The following CLSTN2 variants were observed in gnomAD, a reference collection of about 807,000 sequenced individuals.
The protein encoded by CLSTN2 is calsyntenin-2.
Under a neutral mutation model 101.2 loss-of-function variants are expected in CLSTN2, and 48 were observed. That is an observed-to-expected ratio of 0.47 (90% CI 0.38 to 0.60). The LOEUF (loss-of-function observed/expected upper bound fraction) is 0.60. CLSTN2 is among the 20% of genes least tolerant of loss of function. CLSTN2 has a pLI of 0.00. For missense variants in CLSTN2, 1,160 were observed against 1,238.2 expected, an observed-to-expected ratio of 0.94 and a Z score of 0.95; for synonymous variants, 481 against 463.6, an observed-to-expected ratio of 1.04 and a Z score of -0.48.
At chr3:139,996,253 A>G (rs2006655911) in intron 1 of CLSTN2, among the ~76,000 whole-genome samples, 1 of 151,988 alleles carries the variant, frequency 6.6e-6, no homozygotes, top group African/African-American at 2.4e-5. Flanking sequence ...ATGCTTTAAT[A>G]TGTTACTTTG....
At chr3:140,191,312 C>T (rs2010563806) in intron 2 of CLSTN2, among the ~76,000 whole-genome samples, 1 of 151,754 alleles carries the variant, frequency 6.6e-6, no homozygotes, top group African/African-American at 2.4e-5. Flanking sequence ...TTTCTATGTG[C>T]TAATGTTTTA....
rs916374557 is a variant in CLSTN2, at chr3:140,574,889, T to C, written c.*8636T>C. On this transcript the variant is annotated 3_prime_UTR_variant, in exon 17 of 17. Coordinates refer to ENST00000458420, the MANE Select transcript of CLSTN2 (RefSeq NM_022131.3). ...AAAGGGATGAGGAGGTAGCATCTCCTCTTCAGAAGGATTCATAAGGGCCTC... is the reference window on the plus strand; with the variant it reads ...AAAGGGATGAGGAGGTAGCATCTCCCCTTCAGAAGGATTCATAAGGGCCTC... 1.3e-5 allele frequency: 2 copies of C among 152,196 alleles called. No homozygotes were observed. The highest frequency in any genetic ancestry group is 2.9e-5 in the Non-Finnish European group (2 of 68,056). 9.4% of individuals were successfully genotyped at this position (152,196 alleles called of 1,614,324 possible). A position where few individuals can be genotyped will look rare whatever the true frequency, so the allele number is the denominator to read the frequency against.
intron 8 of CLSTN2, among the ~76,000 whole-genome samples, chr3:140,487,383 C>G (rs1469520691): frequency 6.6e-6 from 1 of 152,230 alleles, no homozygotes; most frequent in African/African-American, 2.4e-5. Flanking sequence ...CTTCTGAGAA[C>G]AGCCCAATAG....
chr3:140,317,168 C>T (rs911701709), intron 2 of CLSTN2, among the ~76,000 whole-genome samples: 1 of 152,100 alleles, frequency 6.6e-6, no homozygotes, highest in African/African-American at 2.4e-5. Flanking sequence ...AACAAAAAAA[C>T]AATCTTCATG....
At chr3:140,475,510 A>G (rs1425641407) in intron 8 of CLSTN2, among the ~76,000 whole-genome samples, 24 of 152,218 alleles carry the variant, frequency 1.6e-4, no homozygotes, top group Admixed American at 6.5e-5. Context: ...TGAAGAGCCT[A>G]TTCTAAAGAA....
At chr3:140,333,934 G>GA (rs1006332204) in intron 2 of CLSTN2, among the ~76,000 whole-genome samples, 54 of 151,944 alleles carry the variant, frequency 3.6e-4, no homozygotes, top group Non-Finnish European at 6.3e-4. Flanking sequence ...GGAGAAACGT[G>GA]AAAAAAAATT....
chr3:140,414,349 T>C (rs2088401600), intron 4 of CLSTN2, among the ~76,000 whole-genome samples: 1 of 152,094 alleles, frequency 6.6e-6, no homozygotes, highest in African/African-American at 2.4e-5. Context: ...GAAATATCTG[T>C]ACACAGAAAA....
At chr3:140,479,012 A>C (rs1315843385) in intron 8 of CLSTN2, among the ~76,000 whole-genome samples, 1 of 152,176 alleles carries the variant, frequency 6.6e-6, no homozygotes, top group Non-Finnish European at 1.5e-5. Flanking sequence ...GATGCAGGAA[A>C]GGAGGTCAAA....
Position 140,574,673 on chromosome 3 carries a change from A to G in CLSTN2, c.*8420A>G, listed in dbSNP as rs374855883. 4.6e-5 allele frequency: 7 copies of G among 152,326 alleles called. No homozygotes were observed. The East Asian group carries it at 9.6e-4, about 21-fold the overall frequency. 9.4% of individuals were successfully genotyped at this position (152,326 alleles called of 1,614,324 possible). On this transcript the variant is annotated 3_prime_UTR_variant, in exon 17 of 17. Transcript: ENST00000458420. ...TGTTTGCTTTTATCTTGAAATGAAA[A>G]TGCATCTCTGTTACCTGGACCCTTT... is the stretch of plus-strand genomic sequence containing the variant.
chr3:140,272,567 T>C (rs2107890714), intron 2 of CLSTN2, among the ~76,000 whole-genome samples: 1 of 152,234 alleles, frequency 6.6e-6, no homozygotes, highest in South Asian at 2.1e-4. Context: ...CTGGCCAACA[T>C]GCCAAAATCC....
chr3:140,060,827 G>A (rs981271728), intron 1 of CLSTN2, among the ~76,000 whole-genome samples: 5 of 152,196 alleles, frequency 3.3e-5, no homozygotes, highest in South Asian at 2.1e-4. Flanking sequence ...TCTGATTTTC[G>A]TGGGTGTGCT....
chr3:140,186,663 C>T (rs1022624622), intron 2 of CLSTN2, among the ~76,000 whole-genome samples: 3 of 152,072 alleles, frequency 2.0e-5, no homozygotes, highest in African/African-American at 4.8e-5. Context: ...ATGAGCTATC[C>T]TTTCAGAGGT....
intron 2 of CLSTN2, among the ~76,000 whole-genome samples, chr3:140,331,351 G>A (rs1212118448): frequency 1.3e-5 from 2 of 152,126 alleles, no homozygotes; most frequent in Non-Finnish European, 2.9e-5. Context: ...GGGCTTCCTT[G>A]CACAGTCCAC....
intron 1 of CLSTN2, among the ~76,000 whole-genome samples, chr3:140,108,930 C>A (rs2009106710): frequency 6.6e-6 from 1 of 152,104 alleles, no homozygotes; most frequent in African/African-American, 2.4e-5. Context: ...CACAGAGGGG[C>A]AGAGAGCACC....
At chr3:140,365,517 A>T (rs1242100345) in intron 2 of CLSTN2, among the ~76,000 whole-genome samples, 1 of 151,842 alleles carries the variant, frequency 6.6e-6, no homozygotes, top group African/African-American at 2.4e-5. Flanking sequence ...ACCATTGAAT[A>T]GTCCTTCCAC....
chr3:140,272,272 C>G (rs1286580194), intron 2 of CLSTN2, among the ~76,000 whole-genome samples: 1 of 152,210 alleles, frequency 6.6e-6, no homozygotes, highest in Non-Finnish European at 1.5e-5. Context: ...GGGCAAGTTA[C>G]CTATGATTGC....
chr3:140,535,166 A>T (rs1371276321), intron 9 of CLSTN2, among the ~76,000 whole-genome samples: 1 of 152,238 alleles, frequency 6.6e-6, no homozygotes, highest in Admixed American at 6.5e-5. Flanking sequence ...ACCATACAAC[A>T]GTAGAATGAA....
chr3:139,951,168 A>G (rs1017935911), intron 1 of CLSTN2, among the ~76,000 whole-genome samples: 1 of 152,138 alleles, frequency 6.6e-6, no homozygotes, highest in Non-Finnish European at 1.5e-5. Flanking sequence ...ATTCAAGCAG[A>G]GTGGTGCCTG....
At chr3:140,154,767 C>G (rs957999172) in intron 1 of CLSTN2, among the ~76,000 whole-genome samples, 10 of 151,242 alleles carry the variant, frequency 6.6e-5, no homozygotes, top group Non-Finnish European at 4.4e-5. Flanking sequence ...GCCTCAGCCT[C>G]CCAAATAGCT....
Sources: allele counts gnomAD v4.1 joint callset (sites outside exome capture counted in the v4.1 genomes callset), GRCh38; gene constraint gnomAD v4.1.1; transcripts MANE v1.5; gene names NCBI Gene and HGNC (gene_info 2026-07-23, HGNC 2026-07-21).